DGKB: variants seen among roughly 807,000 people sequenced by gnomAD.
DGKB encodes 90 kDa diacylglycerol kinase.
DGKB carries 67 observed loss-of-function variants against 114.3 expected under a neutral mutation model. That is an observed-to-expected ratio of 0.59 (90% CI 0.48 to 0.72). The LOEUF (loss-of-function observed/expected upper bound fraction) is 0.72, where lower values mean the gene tolerates loss of function less well. Among genes scored for constraint, DGKB ranks in the 30% least tolerant of loss-of-function variants. DGKB has a pLI of 0.00. For synonymous variants in DGKB, 398 were observed against 323.1 expected (o/e 1.23, Z -2.49); for missense variants, 907 against 975.2 (o/e 0.93, Z 0.93).
chr7:14,279,418 C>A (rs1025294120), intron 23 of DGKB, among the ~76,000 whole-genome samples: 1 of 152,178 alleles, frequency 6.6e-6, no homozygotes, highest in Non-Finnish European at 1.5e-5. Context: ...TAGGCTCCAC[C>A]TCTGGGGGCA....
At chr7:14,537,646 A>T (rs1243248665) in intron 20 of DGKB, among the ~76,000 whole-genome samples, 2 of 152,242 alleles carry the variant, frequency 1.3e-5, no homozygotes, top group Non-Finnish European at 2.9e-5. Flanking sequence ...CGGATTAAAG[A>T]CTTAAATGCA....
At chr7:14,366,917 G>T (rs182254518) in intron 21 of DGKB, among the ~76,000 whole-genome samples, 5 of 152,152 alleles carry the variant, frequency 3.3e-5, no homozygotes, top group East Asian at 1.9e-4. Context: ...TATAACTTGC[G>T]TTATAGCCTG....
intron 21 of DGKB, among the ~76,000 whole-genome samples, chr7:14,446,504 C>T (rs78666868): frequency 6.6e-6 from 1 of 152,014 alleles, no homozygotes; most frequent in Non-Finnish European, 1.5e-5. Context: ...CAGACAGACA[C>T]TCAGTGGGAT....
At chr7:14,246,743 T>C (rs896137259) in intron 23 of DGKB, among the ~76,000 whole-genome samples, 2 of 152,120 alleles carry the variant, frequency 1.3e-5, no homozygotes, top group South Asian at 2.1e-4. Flanking sequence ...TTGATGTACA[T>C]GCAAATTGTG....
chr7:14,386,128 C>T (rs1361348618), intron 21 of DGKB, among the ~76,000 whole-genome samples: 8 of 152,152 alleles, frequency 5.3e-5, no homozygotes, highest in Non-Finnish European at 4.4e-5. Flanking sequence ...ATTTCACATG[C>T]CATGTGGGAA....
chr7:14,768,980 G>A (rs991372710), intron 2 of DGKB, among the ~76,000 whole-genome samples: 76 of 151,404 alleles, frequency 5.0e-4, no homozygotes, highest in East Asian at 1.9e-4. Context: ...TATTTTAAAC[G>A]AGATGATTTA....
At chr7:14,796,003 C>T (rs1841357616) in intron 2 of DGKB, among the ~76,000 whole-genome samples, 4 of 152,044 alleles carry the variant, frequency 2.6e-5, no homozygotes, top group African/African-American at 4.8e-5. Context: ...GAAAATAACC[C>T]TTATCTCTAA....
chr7:14,574,200 G>A lies in DGKB; in HGVS notation c.1770+12C>T. 6.2e-7 allele frequency: 1 copy of A among 1,608,004 alleles called. No individual in the cohort carries two copies. Among genetic ancestry groups the A allele is most frequent in the Non-Finnish European group, 8.5e-7 (1 of 1,176,646 alleles). The stretch of plus-strand genomic sequence containing the variant: ...TACAGGTACAAAGGTAAAATTTAGT[G>A]GAGAATCTTACCACGCCAATGGAAA... On this transcript the variant is annotated intron_variant, in intron 20 of 25. Transcript: ENST00000402815.
At chr7:14,204,538 C>A (rs1786439467) in intron 23 of DGKB, among the ~76,000 whole-genome samples, 1 of 152,006 alleles carries the variant, frequency 6.6e-6, no homozygotes, top group African/African-American at 2.4e-5. Flanking sequence ...GGGAAACATA[C>A]AACGGCTGAG....
chr7:14,766,318 A>AGATGTGAT (rs1836450622), intron 2 of DGKB, among the ~76,000 whole-genome samples: 1 of 151,942 alleles, frequency 6.6e-6, no homozygotes, highest in Admixed American at 6.6e-5. Context: ...TGCAGTATAG[A>AGATGTGAT]GATGTGATGG....
intron 20 of DGKB, among the ~76,000 whole-genome samples, chr7:14,557,901 C>A (rs1038554393): frequency 2.2e-4 from 34 of 151,550 alleles, no homozygotes; most frequent in African/African-American, 8.0e-4. Context: ...TATTTTCCTG[C>A]AACATTGGTT....
intron 13 of DGKB, among the ~76,000 whole-genome samples, chr7:14,648,360 G>A (rs1813609164): frequency 6.6e-6 from 1 of 152,166 alleles, no homozygotes. Flanking sequence ...CAGCCTAACT[G>A]GGAGGCACCC....
At chr7:14,357,785 A>C (rs1814870405) in intron 21 of DGKB, among the ~76,000 whole-genome samples, 1 of 152,112 alleles carries the variant, frequency 6.6e-6, no homozygotes, top group African/African-American at 2.4e-5. Flanking sequence ...CTTGTAAGGC[A>C]GGCTTGGTGG....
intron 21 of DGKB, among the ~76,000 whole-genome samples, chr7:14,418,182 T>G (rs1181008089): frequency 2.1e-5 from 3 of 144,054 alleles, no homozygotes; most frequent in African/African-American, 7.5e-5. Flanking sequence ...TTTATAAATA[T>G]AAATATAAAA....
chr7:14,489,764 G>T (rs1259550222), intron 20 of DGKB, among the ~76,000 whole-genome samples: 1 of 152,146 alleles, frequency 6.6e-6, no homozygotes, highest in African/African-American at 2.4e-5. Context: ...GATACAGGCA[G>T]CAGTGGAGCC....
chr7:14,483,556 G>A (rs910167172), intron 20 of DGKB, among the ~76,000 whole-genome samples: 3 of 152,088 alleles, frequency 2.0e-5, no homozygotes, highest in Non-Finnish European at 1.5e-5. Flanking sequence ...GGGGGCCAGA[G>A]GACAGTTAGC....
At chr7:14,471,095 C>T (rs2128888132) in intron 21 of DGKB, among the ~76,000 whole-genome samples, 1 of 150,040 alleles carries the variant, frequency 6.7e-6, no homozygotes, top group South Asian at 2.1e-4. Flanking sequence ...TTTTCTTTGT[C>T]TCTATAGCAA....
intron 1 of DGKB, among the ~76,000 whole-genome samples, chr7:14,866,977 C>T (rs1851792986): frequency 6.6e-6 from 1 of 152,150 alleles, no homozygotes. Context: ...TCACTGATTA[C>T]ATATGAGGTA....
intron 14 of DGKB, among the ~76,000 whole-genome samples, chr7:14,626,916 G>A (rs1808700731): frequency 6.6e-6 from 1 of 152,070 alleles, no homozygotes; most frequent in Admixed American, 6.6e-5. Context: ...AAGCCAAATT[G>A]CAGCTTTGTC....
Sources: gnomAD v4.1 joint callset for allele counts (sites outside exome capture counted in the v4.1 genomes callset) on GRCh38, gnomAD v4.1.1 for gene constraint, MANE v1.5 for transcripts, NCBI Gene and HGNC (gene_info 2026-07-23, HGNC 2026-07-21) for gene names.